DLGAP1: variants seen among roughly 807,000 people sequenced by gnomAD.
The protein encoded by DLGAP1 is disks large-associated protein 1.
Under a neutral mutation model 90.8 loss-of-function variants are expected in DLGAP1, and 11 were observed. The ratio of observed to expected loss-of-function variants is 0.12; its 90% CI spans 0.08 to 0.20. The LOEUF (loss-of-function observed/expected upper bound fraction) is 0.20. Ranked by LOEUF, DLGAP1 falls within the 10% of genes least tolerant of loss-of-function variation. DLGAP1 has a pLI of 1.00. For missense variants in DLGAP1, 1,050 were observed against 1,333.8 expected, an observed-to-expected ratio of 0.79 and a Z score of 3.31; for synonymous variants, 558 against 540.7, an observed-to-expected ratio of 1.03 and a Z score of -0.44.
intron 1 of DLGAP1, among the ~76,000 whole-genome samples, chr18:4,216,279 C>G (rs573524265): frequency 1.7e-5 from 2 of 116,942 alleles, no homozygotes; most frequent in African/African-American, 6.3e-5. Context: ...TAACCGCTCT[C>G]GTGATTAAAT....
chr18:3,684,004 A>C (rs899158986), intron 7 of DLGAP1, among the ~76,000 whole-genome samples: 1 of 152,138 alleles, frequency 6.6e-6, no homozygotes, highest in Non-Finnish European at 1.5e-5. Flanking sequence ...CTGAGACATT[A>C]AGCCGTCAGT....
At chr18:3,827,595 TTC>T (rs1402241142) in intron 4 of DLGAP1, among the ~76,000 whole-genome samples, 1 of 151,870 alleles carries the variant, frequency 6.6e-6, no homozygotes, top group Non-Finnish European at 1.5e-5. Flanking sequence ...TTTCTTCTTT[TTC>T]TCTCTCTCTC....
At chr18:4,293,442 A>G (rs1309744226) in intron 1 of DLGAP1, 1 of 152,206 alleles carries the variant, frequency 6.6e-6, no homozygotes, top group African/African-American at 2.4e-5. Context: ...GCTTTTTGCA[A>G]AATCAGATTA....
chr18:3,499,171 G>A lies in DLGAP1; in HGVS notation c.*14C>T, dbSNP rs200928400. On this transcript the variant is annotated 3_prime_UTR_variant, in exon 13 of 13. Coordinates refer to ENST00000315677, the MANE Select transcript of DLGAP1 (RefSeq NM_004746.4). The surrounding 1 kb of genome is among the most constrained non-coding windows in gnomAD (Gnocchi z 6.4). The stretch of plus-strand genomic sequence containing the variant: ...GGACAGATGCTTGGCGGCGGCGGCC[G>A]GGCTGCGGGGCGCTCAGAGCCGGGT... 200 of 1,546,852 alleles carry A rather than the reference G, an allele frequency of 1.3e-4. No individual in the cohort carries two copies. Among genetic ancestry groups the A allele is most frequent in the Admixed American group, 2.8e-4 (15 of 53,230 alleles).
chr18:3,713,618 T>C (rs1362005625), intron 7 of DLGAP1, among the ~76,000 whole-genome samples: 1 of 152,230 alleles, frequency 6.6e-6, no homozygotes, highest in Admixed American at 6.5e-5. Context: ...CATTGATGAA[T>C]TATGCCTTTG....
intron 2 of DLGAP1, among the ~76,000 whole-genome samples, chr18:4,043,720 CTGTGTTTCCCTTTG>C (rs1184232677): frequency 6.6e-6 from 1 of 152,140 alleles, no homozygotes; most frequent in Admixed American, 6.5e-5. Flanking sequence ...CAGAAGTGAT[CTGTGTTTCCCTTTG>C]TGTGTATCCT....
intron 2 of DLGAP1, among the ~76,000 whole-genome samples, chr18:4,138,550 G>A (rs2076444458): frequency 6.6e-6 from 1 of 152,006 alleles, no homozygotes; most frequent in South Asian, 2.1e-4. Context: ...GCATTTCAGT[G>A]AGGATTTTTG....
At chr18:4,316,797 G>T (rs551017062) in intron 1 of DLGAP1, among the ~76,000 whole-genome samples, 1 of 152,154 alleles carries the variant, frequency 6.6e-6, no homozygotes, top group African/African-American at 2.4e-5. Flanking sequence ...TCCTGAGTCC[G>T]GTTACTGACT....
At chr18:4,173,578 T>A (rs79880929) in intron 1 of DLGAP1, among the ~76,000 whole-genome samples, 31 of 151,842 alleles carry the variant, frequency 2.0e-4, no homozygotes, top group Non-Finnish European at 4.4e-5. Flanking sequence ...AAAAAAAAAA[T>A]CCTAGGCTCT....
chr18:4,193,691 T>C (rs569448272), intron 1 of DLGAP1, among the ~76,000 whole-genome samples: 4 of 152,326 alleles, frequency 2.6e-5, no homozygotes, highest in African/African-American at 9.6e-5. Flanking sequence ...TCTGTTAGTG[T>C]TTTATAAATA....
chr18:3,573,424 C>T (rs1478337827), intron 8 of DLGAP1, among the ~76,000 whole-genome samples: 1 of 152,106 alleles, frequency 6.6e-6, no homozygotes, highest in African/African-American at 2.4e-5. Context: ...ATTGCTTGAA[C>T]CCAGGAGATG....
chr18:4,272,382 T>C (rs1003042902), intron 1 of DLGAP1, among the ~76,000 whole-genome samples: 1 of 152,202 alleles, frequency 6.6e-6, no homozygotes. Context: ...TTTTTAAGTA[T>C]GAAATATATA....
intron 5 of DLGAP1, among the ~76,000 whole-genome samples, chr18:3,800,037 C>T (rs1568156167): frequency 6.6e-6 from 1 of 152,084 alleles, no homozygotes; most frequent in Non-Finnish European, 1.5e-5. Context: ...ATTGTTCTTC[C>T]CATGGTAGAT....
At chr18:3,969,820 T>C (rs544498248) in intron 3 of DLGAP1, among the ~76,000 whole-genome samples, 2 of 152,160 alleles carry the variant, frequency 1.3e-5, no homozygotes, top group Admixed American at 6.5e-5. Context: ...CGATGATCCT[T>C]ATATAATTTT....
chr18:3,579,246 T>C (rs1364396275), intron 8 of DLGAP1, among the ~76,000 whole-genome samples: 1 of 152,230 alleles, frequency 6.6e-6, no homozygotes, highest in East Asian at 1.9e-4. Flanking sequence ...ATTTTGCTCT[T>C]GTTGCCCCGA....
intron 7 of DLGAP1, among the ~76,000 whole-genome samples, chr18:3,676,611 C>T (rs1010996640): frequency 6.6e-6 from 1 of 152,078 alleles, no homozygotes; most frequent in Non-Finnish European, 1.5e-5. Flanking sequence ...TCTTTCACAC[C>T]TCTGCCTTAA....
Position 4,378,402 on chromosome 18 carries a change from C to A in DLGAP1, c.-267+76604G>T, listed in dbSNP as rs1318088341. Among the ~76,000 whole-genome samples, 1 of 152,018 alleles carries A rather than the reference C, an allele frequency of 6.6e-6. No individual in the cohort carries two copies. Among genetic ancestry groups the A allele is most frequent in the Non-Finnish European group, 1.5e-5 (1 of 67,982 alleles). On this transcript the variant is annotated intron_variant, in intron 1 of 12. Coordinates refer to ENST00000315677, the MANE Select transcript of DLGAP1 (RefSeq NM_004746.4). This position sits in a 1 kb window ranked among gnomAD's most constrained non-coding sequence, Gnocchi z 4.5. ...ATAACTTTTTAACGACAAAATCATTCTGTATAATTAAGCTTAAACATCTAA... is the reference window on the plus strand; with the variant it reads ...ATAACTTTTTAACGACAAAATCATTATGTATAATTAAGCTTAAACATCTAA...
chr18:4,127,913 C>T (rs1371258324), intron 2 of DLGAP1, among the ~76,000 whole-genome samples: 1 of 152,166 alleles, frequency 6.6e-6, no homozygotes, highest in Non-Finnish European at 1.5e-5. Flanking sequence ...CACTATGCAA[C>T]AGGTTCATGT....
chr18:3,645,627 T>A (rs1290951642), intron 7 of DLGAP1, among the ~76,000 whole-genome samples: 1 of 152,174 alleles, frequency 6.6e-6, no homozygotes, highest in African/African-American at 2.4e-5. Flanking sequence ...CACTGGGGCA[T>A]CCTTCTGATC....
Sources: gnomAD v4.1 joint callset for allele counts (sites outside exome capture counted in the v4.1 genomes callset) on GRCh38, gnomAD v4.1.1 for gene constraint, Gnocchi (gnomAD v3.1) non-coding constraint, MANE v1.5 for transcripts, NCBI Gene and HGNC (gene_info 2026-07-23, HGNC 2026-07-21) for gene names.